Variants in HEATR4 observed in about 807,000 individuals in gnomAD.
HEATR4 encodes the protein HEAT repeat-containing protein 4.
In HEATR4, 95 loss-of-function variants were observed where a neutral mutation model predicts 108.8. The observed-to-expected ratio is 0.87, with a 90% CI of 0.74 to 1.04. The LOEUF is 1.04. Ranked by LOEUF, HEATR4 falls within the 50% of genes least tolerant of loss-of-function variation. The pLI, the probability that HEATR4 is intolerant of heterozygous loss-of-function variation, is 0.00. For synonymous variants in HEATR4, 443 were observed against 459.4 expected (o/e 0.96, Z 0.46); for missense variants, 1,152 against 1,253.8 (o/e 0.92, Z 1.23).
the HEATR4 span, among the ~76,000 whole-genome samples, chr14:73,622,628 G>C: frequency 6.6e-6 from 1 of 151,998 alleles, no homozygotes; most frequent in African/African-American, 2.4e-5. Flanking sequence ...TCGAACTCCT[G>C]ACCTCAGGTG....
At chr14:73,578,234 T>C in the HEATR4 span, among the ~76,000 whole-genome samples, 3 of 149,672 alleles carry the variant, frequency 2.0e-5, no homozygotes, top group Non-Finnish European at 4.5e-5. Flanking sequence ...ATTTCATCTT[T>C]TTTTTTTTTT....
chr14:73,620,592 A>C, the HEATR4 span, among the ~76,000 whole-genome samples: 21 of 151,244 alleles, frequency 1.4e-4, no homozygotes, highest in South Asian at 4.4e-3. Flanking sequence ...TTTGAGACGG[A>C]GTCTCGCTTT....
chr14:73,607,581 CCGG>C, the HEATR4 span, among the ~76,000 whole-genome samples: 1 of 142,424 alleles, frequency 7.0e-6, no homozygotes, highest in African/African-American at 3.0e-5. Context: ...GTCTCTGCAG[CCGG>C]CTTGATTTTC....
upstream of HEATR4, among the ~76,000 whole-genome samples, chr14:73,561,171 G>A (rs1335662947): frequency 2.6e-5 from 4 of 151,848 alleles, no homozygotes; most frequent in East Asian, 5.8e-4. Context: ...TTCAAGACCA[G>A]CCTGGTCAAC....
At chr14:73,584,982 G>A in the HEATR4 span, among the ~76,000 whole-genome samples, 1 of 151,842 alleles carries the variant, frequency 6.6e-6, no homozygotes, top group Non-Finnish European at 1.5e-5. Flanking sequence ...CAGCCTGGCA[G>A]TTTGTCAACC....
chr14:73,569,471 G>C, the HEATR4 span: 1 of 1,613,254 alleles, frequency 6.2e-7, no homozygotes, highest in South Asian at 1.1e-5. Context: ...GCTGCTGCTG[G>C]GACGAACCGG....
chr14:73,585,272 G>C, the HEATR4 span, among the ~76,000 whole-genome samples: 1 of 152,288 alleles, frequency 6.6e-6, no homozygotes, highest in East Asian at 1.9e-4. Flanking sequence ...CAAGGTCACA[G>C]GTCAGCACCA....
chr14:73,528,392 C>CAACAA, intron 2 of HEATR4, among the ~76,000 whole-genome samples: 1 of 88,496 alleles, frequency 1.1e-5, no homozygotes, highest in South Asian at 5.2e-4. Flanking sequence ...AACTTCATCT[C>CAACAA]AAAAAAAAAA....
Position 73,535,469 on chromosome 14 carries a change from C to CTTT in HEATR4, c.-151-5228_-151-5226dup, listed in dbSNP as rs869167008. On this transcript the variant is annotated intron_variant, in intron 1 of 17. Coordinates refer to ENST00000553558, the MANE Select transcript of HEATR4 (RefSeq NM_001220484.1). ...CCTTTTTCTTTTCTTTTTCTTCTTT[C>CTTT]TTTTTTTTTTTTTTTTTTTTTTTTT... 7.3e-4 allele frequency among the ~76,000 whole-genome samples: 12 copies of CTTT among 16,534 alleles called. 1 individual carries two copies. The highest frequency in any genetic ancestry group is 2.6e-3 in the South Asian group (1 of 382). 10.8% of individuals were successfully genotyped at this position (16,534 alleles called of 152,430 possible).
chr14:73,624,559 A>G, the HEATR4 span, among the ~76,000 whole-genome samples: 3 of 152,160 alleles, frequency 2.0e-5, no homozygotes, highest in Non-Finnish European at 4.4e-5. Flanking sequence ...CCATGATCAC[A>G]CCACTGCACT....
the HEATR4 span, among the ~76,000 whole-genome samples, chr14:73,603,096 A>G: frequency 4.3e-4 from 65 of 152,224 alleles, no homozygotes; most frequent in Non-Finnish European, 7.1e-4. Context: ...ATTTTAATGT[A>G]AAACCTGGTA....
the HEATR4 span, among the ~76,000 whole-genome samples, chr14:73,624,288 A>AC: frequency 6.6e-6 from 1 of 151,456 alleles, no homozygotes; most frequent in African/African-American, 2.4e-5. Context: ...ACACCCAGCT[A>AC]ATCTTTTTGT....
At chr14:73,564,028 C>T in the HEATR4 span, among the ~76,000 whole-genome samples, 15 of 151,690 alleles carry the variant, frequency 9.9e-5, no homozygotes, top group South Asian at 2.1e-4. Context: ...AGGCCAGACA[C>T]GGTGACTCAC....
At chr14:73,563,155 G>A (rs183961656), upstream of HEATR4, among the ~76,000 whole-genome samples, 2,917 of 150,276 alleles carry the variant, frequency 0.019, 73 homozygotes, top group Middle Eastern at 0.075. Context: ...CACCCCCAGC[G>A]GCCCAGGTGT....
intron 11 of HEATR4, 109 bp from the exon 12 acceptor site, chr14:73,500,839 C>T (rs1335541658): frequency 3.2e-6 from 3 of 944,046 alleles, no homozygotes; most frequent in African/African-American, 3.3e-5. Flanking sequence ...GGCTGTCAAT[C>T]CCATTCAGCC....
Position 73,547,970 on chromosome 14 carries a change from AGGCT to A in HEATR4, c.-152+10777_-152+10780del, listed in dbSNP as rs1221662940. Among the ~76,000 whole-genome samples the A allele has an allele frequency of 3.5e-5, 4 of 114,830 alleles. 1 individual carries two copies. Among genetic ancestry groups the A allele is most frequent in the African/African-American group, 1.1e-4 (4 of 35,416 alleles). The allele number at this position is 114,830 out of a possible 152,430, so 75.3% of individuals were successfully genotyped here. A position where few individuals can be genotyped will look rare whatever the true frequency, so the allele number is the denominator to read the frequency against. Reference sequence around the variant, plus strand: ...TTGTTTTAAGAGACAGGCTCTGGCCAGGCTGGAGTGCAGTGGTGCCATCATAGCT... The same window carrying A: ...TTGTTTTAAGAGACAGGCTCTGGCCAGGAGTGCAGTGGTGCCATCATAGCT... On this transcript the variant is annotated intron_variant, in intron 1 of 17. Coordinates refer to ENST00000553558, the MANE Select transcript of HEATR4 (RefSeq NM_001220484.1).
chr14:73,488,992 A>G (rs984362355), intron 17 of HEATR4, among the ~76,000 whole-genome samples: 28 of 152,112 alleles, frequency 1.8e-4, no homozygotes, highest in African/African-American at 6.8e-4. Context: ...ATTGCAACAC[A>G]GAGGTTGGGG....
At chr14:73,595,304 C>T in the HEATR4 span, 1 of 1,614,172 alleles carries the variant, frequency 6.2e-7, no homozygotes, top group Non-Finnish European at 8.5e-7. Context: ...GTACAAGAAC[C>T]CCAGCATGAT....
upstream of HEATR4, among the ~76,000 whole-genome samples, chr14:73,563,551 C>T (rs765406785): frequency 1.4e-4 from 21 of 151,856 alleles, no homozygotes; most frequent in African/African-American, 4.6e-4. Context: ...GCTGAGATCG[C>T]GCCACTGCAC....
Sources: allele counts gnomAD v4.1 joint callset (sites outside exome capture counted in the v4.1 genomes callset), GRCh38; gene constraint gnomAD v4.1.1; transcripts MANE v1.5; gene names NCBI Gene and HGNC (gene_info 2026-07-23, HGNC 2026-07-21).